VAV2: variants seen among roughly 807,000 people sequenced by gnomAD.
VAV2 encodes guanine nucleotide exchange factor VAV2.
In VAV2, 67 loss-of-function variants were observed where a neutral mutation model predicts 132.5. That is an observed-to-expected ratio of 0.51 (90% confidence interval 0.42 to 0.62). VAV2 has a LOEUF of 0.62. Ranked by LOEUF, VAV2 falls within the 20% of genes least tolerant of loss-of-function variation. The pLI, the probability that VAV2 is intolerant of heterozygous loss-of-function variation, is 0.00. For missense variants in VAV2, 938 were observed against 1,153.6 expected, an observed-to-expected ratio of 0.81 and a Z score of 2.71; for synonymous variants, 492 against 443.5, an observed-to-expected ratio of 1.11 and a Z score of -1.37.
intron 1 of VAV2, among the ~76,000 whole-genome samples, chr9:133,978,267 C>T (rs1391721255): frequency 6.6e-6 from 1 of 152,234 alleles, no homozygotes; most frequent in African/African-American, 2.4e-5. Context: ...CCCTCTCCTA[C>T]TCCAGCCACT....
At chr9:133,963,495 C>A (rs1346360041) in intron 1 of VAV2, among the ~76,000 whole-genome samples, 4 of 152,180 alleles carry the variant, frequency 2.6e-5, no homozygotes, top group Admixed American at 2.6e-4. Context: ...CCAGCAGGGT[C>A]CAGTCGTGCC....
chr9:133,791,083 C>T (rs1834437830), intron 13 of VAV2, among the ~76,000 whole-genome samples: 1 of 152,200 alleles, frequency 6.6e-6, no homozygotes, highest in Non-Finnish European at 1.5e-5. Context: ...AATGATCCAG[C>T]CCCAGACGTC....
chr9:133,840,218 TG>T lies in VAV2; in HGVS notation c.381-5879del, dbSNP rs1459035891. On this transcript the variant is annotated intron_variant, in intron 3 of 29. Coordinates refer to ENST00000371850, the MANE Select transcript of VAV2 (RefSeq NM_001134398.2). The surrounding 1 kb of genome is among the most constrained non-coding windows in gnomAD (Gnocchi z 4.5). Reference sequence around the variant, plus strand: ...CCTCCCACCAGAGCCTTCCTGAGCATGCATTTCCTCGTGCCCGGCTTCGGGA... The same window carrying T: ...CCTCCCACCAGAGCCTTCCTGAGCATCATTTCCTCGTGCCCGGCTTCGGGA... 6.6e-6 allele frequency among the ~76,000 whole-genome samples: 1 copy of T among 152,226 alleles called. No homozygotes were observed. Among genetic ancestry groups the T allele is most frequent in the Non-Finnish European group, 1.5e-5 (1 of 68,032 alleles).
chr9:133,922,553 TG>T (rs1157476771), intron 2 of VAV2, among the ~76,000 whole-genome samples: 1 of 152,224 alleles, frequency 6.6e-6, no homozygotes. Context: ...CTCAGGTACG[TG>T]GCTGAGTGAC....
At chr9:133,958,301 G>A (rs1440104164) in intron 1 of VAV2, among the ~76,000 whole-genome samples, 2 of 142,032 alleles carry the variant, frequency 1.4e-5, no homozygotes, top group Admixed American at 7.2e-5. Flanking sequence ...GGAATGTCTC[G>A]GTATAAAACC....
chr9:133,853,964 C>T (rs1254344445), intron 3 of VAV2, among the ~76,000 whole-genome samples: 3 of 152,114 alleles, frequency 2.0e-5, no homozygotes, highest in Admixed American at 6.5e-5. Flanking sequence ...CCAGGCCTGC[C>T]GGGAGCTCCC....
intron 26 of VAV2, among the ~76,000 whole-genome samples, chr9:133,771,084 GAC>G (rs1294966584): frequency 9.3e-6 from 1 of 107,766 alleles, no homozygotes; most frequent in East Asian, 3.0e-4. Flanking sequence ...TTTTTTTTGA[GAC>G]AGAGTCTTAC....
intron 2 of VAV2, among the ~76,000 whole-genome samples, chr9:133,914,550 T>C (rs539613106): frequency 2.4e-5 from 3 of 123,224 alleles, no homozygotes; most frequent in Admixed American, 1.8e-4. Flanking sequence ...GCAGTGGGGA[T>C]GGGGTGGGGG....
Position 133,765,908 on chromosome 9 carries a change from GTTGAAATTTTGAAATTGTACGT to G in VAV2, c.2590-1821_2590-1800del, listed in dbSNP as rs1397654488. Among the ~76,000 whole-genome samples, 3 of 152,206 alleles carry G rather than the reference GTTGAAATTTTGAAATTGTACGT, an allele frequency of 2.0e-5. No homozygotes were observed. In the South Asian group the frequency reaches 6.2e-4, roughly 32 times the overall value. ...CTGGGCAGGTTACTGACACTTTTAAGTTGAAATTTTGAAATTGTACGTTTGAAATTTTGTTTCAAAATTATGT... is the reference window on the plus strand; with the variant it reads ...CTGGGCAGGTTACTGACACTTTTAAGTTGAAATTTTGTTTCAAAATTATGT... On this transcript the variant is annotated intron_variant, in intron 29 of 29. Coordinates refer to ENST00000371850, the MANE Select transcript of VAV2 (RefSeq NM_001134398.2).
chr9:133,921,589 C>G (rs1840299056), intron 2 of VAV2, among the ~76,000 whole-genome samples: 1 of 152,222 alleles, frequency 6.6e-6, no homozygotes, highest in Non-Finnish European at 1.5e-5. Flanking sequence ...GGGAAAGAAA[C>G]TCTAATTGGG....
chr9:133,880,884 C>T (rs1838464388), intron 2 of VAV2, among the ~76,000 whole-genome samples: 1 of 152,270 alleles, frequency 6.6e-6, no homozygotes, highest in Non-Finnish European at 1.5e-5. Context: ...GTCGGCCCTC[C>T]AGGACACTGG....
chr9:133,976,995 G>T (rs1386501295), intron 1 of VAV2, among the ~76,000 whole-genome samples: 1 of 152,226 alleles, frequency 6.6e-6, no homozygotes, highest in Non-Finnish European at 1.5e-5. Flanking sequence ...CAAGGCTGAA[G>T]GGGGTGCCTC....
At chr9:133,839,072 T>C (rs10993818) in intron 3 of VAV2, among the ~76,000 whole-genome samples, 5,676 of 148,806 alleles carry the variant, frequency 0.038, 366 homozygotes, top group African/African-American at 0.13. Context: ...GGGCGAGTGG[T>C]TGGATGAATG....
At chr9:133,958,737 C>A (rs2132214480) in intron 1 of VAV2, among the ~76,000 whole-genome samples, 2 of 152,384 alleles carry the variant, frequency 1.3e-5, no homozygotes, top group Admixed American at 1.3e-4. Context: ...CAACCCACCC[C>A]TTCAGTGGAG....
At chr9:133,825,513 G>C (rs561885212) in intron 4 of VAV2, among the ~76,000 whole-genome samples, 1 of 152,254 alleles carries the variant, frequency 6.6e-6, no homozygotes, top group South Asian at 2.1e-4. Context: ...CAATCCTCTG[G>C]GGTGAACATA....
intron 1 of VAV2, among the ~76,000 whole-genome samples, chr9:133,959,413 G>A (rs868864069): frequency 1.2e-4 from 18 of 152,206 alleles, no homozygotes; most frequent in Middle Eastern, 6.8e-3. Flanking sequence ...CTCCTTCCCA[G>A]GGTGACCACC....
chr9:133,961,235 T>C lies in VAV2; in HGVS notation c.205-22016A>G, dbSNP rs1841956254. Among the ~76,000 whole-genome samples, 1 of 151,928 alleles carries C rather than the reference T, an allele frequency of 6.6e-6. No individual in the cohort carries two copies. Among genetic ancestry groups the C allele is most frequent in the African/African-American group, 2.4e-5 (1 of 41,328 alleles). ...AGTCAACCTTTTGATCTCAGAGGAGTGTCCATTAAGAGTAGGGTTCCTCAC... is the reference window on the plus strand; with the variant it reads ...AGTCAACCTTTTGATCTCAGAGGAGCGTCCATTAAGAGTAGGGTTCCTCAC... On this transcript the variant is annotated intron_variant, in intron 1 of 29. Coordinates refer to ENST00000371850, the MANE Select transcript of VAV2 (RefSeq NM_001134398.2). The surrounding 1 kb of genome is among the most constrained non-coding windows in gnomAD (Gnocchi z 4.1).
At position 133,775,083 on chromosome 9, in the gene VAV2, C is replaced by T. The variant is rs148645773; in HGVS notation, c.2019-32G>A. The T allele has an allele frequency of 7.4e-5, 116 of 1,560,540 alleles. No individual in the cohort carries two copies. The highest frequency in any genetic ancestry group is 5.1e-4 in the Middle Eastern group (3 of 5,872). ...GAGGGGGCCGGGAGGAAACGAGAGCCGCAGTGAGGACAGTGTCTGAGGGGT... is the reference window on the plus strand; with the variant it reads ...GAGGGGGCCGGGAGGAAACGAGAGCTGCAGTGAGGACAGTGTCTGAGGGGT... On this transcript the variant is annotated intron_variant, in intron 24 of 29. Coordinates refer to ENST00000371850, the MANE Select transcript of VAV2 (RefSeq NM_001134398.2).
rs930352734 is a variant in VAV2, at chr9:133,935,245, G to T, written c.321+3858C>A. Among the ~76,000 whole-genome samples the T allele has an allele frequency of 3.9e-5, 6 of 152,206 alleles. No homozygotes were observed. The highest frequency in any genetic ancestry group is 1.4e-4 in the African/African-American group (6 of 41,454). ...TGGGCTGAGCTCATGAATGACAAAA[G>T]ATGAATCTGGACGTGTAGGAAACGC... On this transcript the variant is annotated intron_variant, in intron 2 of 29. Coordinates refer to ENST00000371850, the MANE Select transcript of VAV2 (RefSeq NM_001134398.2). This position sits in a 1 kb window ranked among gnomAD's most constrained non-coding sequence, Gnocchi z 5.2.
Sources: gnomAD v4.1 joint callset for allele counts (sites outside exome capture counted in the v4.1 genomes callset) on GRCh38, gnomAD v4.1.1 for gene constraint, Gnocchi (gnomAD v3.1) non-coding constraint, MANE v1.5 for transcripts, NCBI Gene and HGNC (gene_info 2026-07-23, HGNC 2026-07-21) for gene names.